Variants in ROBO2 observed in about 807,000 individuals in gnomAD.
ROBO2 encodes the protein roundabout homolog 2.
Under a neutral mutation model 160.8 loss-of-function variants are expected in ROBO2, and 53 were observed. That is an observed-to-expected ratio of 0.33 (90% CI 0.26 to 0.41). The LOEUF (loss-of-function observed/expected upper bound fraction) is 0.41, where lower values mean the gene tolerates loss of function less well. Ranked by LOEUF, ROBO2 falls within the 10% of genes least tolerant of loss-of-function variation. The pLI, the probability that ROBO2 is intolerant of heterozygous loss-of-function variation, is 1.00. For missense variants in ROBO2, 1,577 were observed against 1,722.4 expected (o/e 0.92, Z 1.49); for synonymous variants, 664 against 611.7 (o/e 1.09, Z -1.26).
chr3:77,464,739 A>G (rs2082595583), intron 2 of ROBO2, among the ~76,000 whole-genome samples: 1 of 152,052 alleles, frequency 6.6e-6, no homozygotes, highest in South Asian at 2.1e-4. Flanking sequence ...TACTTGGGAT[A>G]TTAGAAGGAA....
chr3:76,214,530 T>C (rs1262584537), intron 2 of ROBO2, among the ~76,000 whole-genome samples: 2 of 152,154 alleles, frequency 1.3e-5, no homozygotes, highest in African/African-American at 2.4e-5. Context: ...GCACCTGGCT[T>C]GGAGGGTCCT....
At chr3:76,134,764 A>C (rs1408625577) in intron 2 of ROBO2, among the ~76,000 whole-genome samples, 1 of 152,104 alleles carries the variant, frequency 6.6e-6, no homozygotes. Context: ...CATTTATTTT[A>C]AGTTGCTAAG....
chr3:76,178,886 A>G (rs967556687), intron 2 of ROBO2, among the ~76,000 whole-genome samples: 2 of 152,126 alleles, frequency 1.3e-5, no homozygotes, highest in African/African-American at 4.8e-5. Flanking sequence ...GGTTGCAATG[A>G]GCTGAGGTCG....
intron 2 of ROBO2, among the ~76,000 whole-genome samples, chr3:76,274,349 T>C (rs754133848): frequency 1.1e-4 from 17 of 148,496 alleles, no homozygotes; most frequent in Non-Finnish European, 2.2e-4. Flanking sequence ...TAAAGTATAA[T>C]TAAAAAAAAA....
Position 77,109,606 on chromosome 3 carries a change from ATAAT to A in ROBO2, c.388+11271_388+11274del, listed in dbSNP as rs1320314356. 2.6e-5 allele frequency among the ~76,000 whole-genome samples: 4 copies of A among 152,250 alleles called. 1 individual carries two copies. Among genetic ancestry groups the A allele is most frequent in the South Asian group, 4.1e-4 (2 of 4,832 alleles). ...GTGAAATGATTTTGCTAGGGAGAAA[ATAAT>A]TAATAATAATCTCTGGGGCTTGCTA... On this transcript the variant is annotated intron_variant, in intron 2 of 25. Coordinates refer to ENST00000461745, the Ensembl canonical transcript of ROBO2.
At chr3:77,188,017 T>A (rs1294782864) in intron 2 of ROBO2, among the ~76,000 whole-genome samples, 1 of 151,884 alleles carries the variant, frequency 6.6e-6, no homozygotes, top group East Asian at 1.9e-4. Flanking sequence ...TAGAATAGTA[T>A]TTTCAAAGAA....
chr3:76,908,913 G>A (rs1288978442), intron 2 of ROBO2, among the ~76,000 whole-genome samples: 1 of 152,152 alleles, frequency 6.6e-6, no homozygotes. Context: ...CTAAAATAAT[G>A]TGCAACCTTT....
intron 2 of ROBO2, among the ~76,000 whole-genome samples, chr3:76,904,742 T>C (rs970494815): frequency 6.6e-6 from 1 of 152,200 alleles, no homozygotes; most frequent in African/African-American, 2.4e-5. Flanking sequence ...TCTGTCTGCA[T>C]ATTCTCCATA....
chr3:77,287,457 G>A lies in ROBO2; in HGVS notation c.388+189117G>A, dbSNP rs556635317. Among the ~76,000 whole-genome samples, 9 of 152,104 alleles carry A rather than the reference G, an allele frequency of 5.9e-5. 1 individual carries two copies. The South Asian group carries it at 1.2e-3, about 21-fold the overall frequency. ...TTCCATTAAAAAGAGCAAAAGTAAA[G>A]CTACAATTATTTTTGAAACACACCA... On this transcript the variant is annotated intron_variant, in intron 2 of 25. Coordinates refer to ENST00000461745, the Ensembl canonical transcript of ROBO2.
chr3:77,323,841 T>C (rs1427770236), intron 2 of ROBO2, among the ~76,000 whole-genome samples: 2 of 152,196 alleles, frequency 1.3e-5, no homozygotes, highest in African/African-American at 4.8e-5. Flanking sequence ...CTTGGCATTT[T>C]TGAGATTTGC....
chr3:77,642,197 T>C (rs2095359725), intron 24 of ROBO2, among the ~76,000 whole-genome samples: 1 of 152,206 alleles, frequency 6.6e-6, no homozygotes. Flanking sequence ...ATATGTTGCA[T>C]ATGACACGGC....
intron 15 of ROBO2, among the ~76,000 whole-genome samples, chr3:77,578,017 TAAAGA>T (rs2093813297): frequency 6.6e-6 from 1 of 151,966 alleles, no homozygotes; most frequent in Non-Finnish European, 1.5e-5. Flanking sequence ...CTTCGGGGGT[TAAAGA>T]GGTGGAGTGG....
intron 2 of ROBO2, among the ~76,000 whole-genome samples, chr3:76,066,727 G>C (rs2068265397): frequency 6.6e-6 from 1 of 151,830 alleles, no homozygotes; most frequent in Non-Finnish European, 1.5e-5. Context: ...TAGGTTTTCA[G>C]ACATTTATCT....
In ROBO2 at chr3:77,101,266, A is replaced by G. The variant is rs79244117; in HGVS notation, c.388+2926A>G. On this transcript the variant is annotated intron_variant, in intron 2 of 25. Transcript: ENST00000461745. Reference sequence around the variant, plus strand: ...AATTATAAACTATGTGACATGATCAATGAGAAGTAGAGGATGATTACTAGA... The same window carrying G: ...AATTATAAACTATGTGACATGATCAGTGAGAAGTAGAGGATGATTACTAGA... Among the ~76,000 whole-genome samples the G allele has an allele frequency of 1.3e-3, 191 of 152,306 alleles. 1 individual carries two copies. The highest frequency in any genetic ancestry group is 4.5e-3 in the African/African-American group (185 of 41,554).
intron 2 of ROBO2, among the ~76,000 whole-genome samples, chr3:75,992,226 G>A (rs536783570): frequency 1.3e-5 from 2 of 152,268 alleles, no homozygotes; most frequent in South Asian, 2.1e-4. Context: ...AAAGGTCTTT[G>A]TGGTAGCCCT....
chr3:76,686,228 A>G (rs1243748644), intron 2 of ROBO2, among the ~76,000 whole-genome samples: 2 of 152,098 alleles, frequency 1.3e-5, no homozygotes, highest in African/African-American at 2.4e-5. Flanking sequence ...GGTGCTTACA[A>G]TGACTTTAAA....
chr3:75,973,915 CAG>C (rs1553711173), intron 2 of ROBO2, among the ~76,000 whole-genome samples: 1 of 150,968 alleles, frequency 6.6e-6, no homozygotes, highest in Non-Finnish European at 1.5e-5. Context: ...AAAAAGAAGC[CAG>C]TAAAGATGGT....
chr3:76,523,629 C>T (rs934253722), intron 2 of ROBO2, among the ~76,000 whole-genome samples: 1 of 152,114 alleles, frequency 6.6e-6, no homozygotes, highest in African/African-American at 2.4e-5. Flanking sequence ...ACAGCTTCCA[C>T]ATTCTCTCAT....
intron 2 of ROBO2, among the ~76,000 whole-genome samples, chr3:77,099,991 T>A (rs959472652): frequency 5.9e-5 from 9 of 152,114 alleles, no homozygotes; most frequent in Non-Finnish European, 1.3e-4. Context: ...TTCTATCTAC[T>A]CAGCAGCAAA....
Sources: gnomAD v4.1 joint callset for allele counts (sites outside exome capture counted in the v4.1 genomes callset) on GRCh38, gnomAD v4.1.1 for gene constraint, MANE v1.5 for transcripts, NCBI Gene and HGNC (gene_info 2026-07-23, HGNC 2026-07-21) for gene names.